SRRM4: variants seen among roughly 807,000 people sequenced by gnomAD.
The protein encoded by SRRM4 is serine/arginine repetitive matrix protein 4.
SRRM4 carries 33 observed loss-of-function variants against 68.9 expected under a neutral mutation model. That is an observed-to-expected ratio of 0.48 (90% CI 0.36 to 0.64). The LOEUF (loss-of-function observed/expected upper bound fraction) is 0.64, where lower values mean the gene tolerates loss of function less well. Among genes scored for constraint, SRRM4 ranks in the 30% least tolerant of loss-of-function variants. SRRM4 has a pLI of 0.00. For synonymous variants in SRRM4, 318 were observed against 318.8 expected (o/e 1.00, Z 0.03); for missense variants, 817 against 827.1 (o/e 0.99, Z 0.15).
At chr12:119,011,005 G>T (rs188004551) in intron 1 of SRRM4, among the ~76,000 whole-genome samples, 1 of 152,136 alleles carries the variant, frequency 6.6e-6, no homozygotes, top group Non-Finnish European at 1.5e-5. Context: ...AGAACACTAT[G>T]TACTCTATAT....
At chr12:119,153,142 T>A (rs561710423) in intron 10 of SRRM4, among the ~76,000 whole-genome samples, 2 of 152,330 alleles carry the variant, frequency 1.3e-5, no homozygotes, top group South Asian at 4.1e-4. Context: ...ATAGCTAACA[T>A]TTCCTATGTC....
intron 1 of SRRM4, among the ~76,000 whole-genome samples, chr12:119,076,249 C>G (rs1456955871): frequency 1.3e-5 from 2 of 152,156 alleles, no homozygotes; most frequent in African/African-American, 4.8e-5. Flanking sequence ...CTGTGCTTAG[C>G]ATTTTGCATG....
chr12:119,045,379 C>T (rs1455047010), intron 1 of SRRM4, among the ~76,000 whole-genome samples: 1 of 151,648 alleles, frequency 6.6e-6, no homozygotes, highest in Non-Finnish European at 1.5e-5. Flanking sequence ...AAACGCCTCC[C>T]TTCCATAAGG....
Position 119,145,408 on chromosome 12 carries a change from C to A in SRRM4, c.799C>A (p.Leu267Ile). ...CACTGGGTCGGGGTCTGCTGCTGAC[C>A]TCTTTACCAAAACAGCCAGCCCGCT... ...VITGSGSAAD[L>I]FTKTASPLTT... Residue 267 changes from leucine (L) to isoleucine (I), a missense_variant, in exon 9 of 13, where the codon CTC becomes ATC. Leu to Ile is a conservative substitution (Grantham distance 5). Coordinates refer to ENST00000267260, the MANE Select transcript of SRRM4 (RefSeq NM_194286.4). The A allele has an allele frequency of 6.2e-7, 1 of 1,605,878 alleles. No individual in the cohort carries two copies. The highest frequency in any genetic ancestry group is 8.5e-7 in the Non-Finnish European group (1 of 1,176,080).
intron 1 of SRRM4, among the ~76,000 whole-genome samples, chr12:119,033,579 G>A (rs566329917): frequency 1.1e-4 from 16 of 151,780 alleles, no homozygotes; most frequent in East Asian, 1.9e-4. Context: ...CAGGAGAATC[G>A]CTTGAACCCA....
intron 9 of SRRM4, among the ~76,000 whole-genome samples, chr12:119,149,178 T>C (rs1954422760): frequency 6.6e-6 from 1 of 152,130 alleles, no homozygotes; most frequent in Non-Finnish European, 1.5e-5. Flanking sequence ...TGAAACCCCA[T>C]TTCTACTAAA....
chr12:119,154,474 T>C lies in SRRM4; in HGVS notation c.1532+91T>C. ...AGCCTCAGGCTCTCCCTAGGCCTCC[T>C]TGGGGCTGGGATTTAGGATTGTGCG... On this transcript the variant is annotated intron_variant, in intron 12 of 12. Coordinates refer to ENST00000267260, the MANE Select transcript of SRRM4 (RefSeq NM_194286.4). This position sits in a 1 kb window ranked among gnomAD's most constrained non-coding sequence, Gnocchi z 4.7. The C allele has an allele frequency of 6.9e-7, 1 of 1,449,024 alleles. No individual in the cohort carries two copies. The highest frequency in any genetic ancestry group is 9.4e-7 in the Non-Finnish European group (1 of 1,059,102). The allele number at this position is 1,449,024 out of a possible 1,614,324, so 89.8% of individuals were successfully genotyped here.
At chr12:119,125,812 TC>T (rs920216687) in intron 7 of SRRM4, among the ~76,000 whole-genome samples, 3 of 151,726 alleles carry the variant, frequency 2.0e-5, no homozygotes, top group African/African-American at 7.2e-5. Flanking sequence ...TTCCAGCTAC[TC>T]TGGAGGCTGA....
At chr12:119,035,401 C>T (rs1953620237) in intron 1 of SRRM4, among the ~76,000 whole-genome samples, 1 of 152,168 alleles carries the variant, frequency 6.6e-6, no homozygotes, top group Admixed American at 6.5e-5. Context: ...TTTCCTTGAA[C>T]TTAGTAGGTG....
At chr12:119,017,353 G>A (rs2136000020) in intron 1 of SRRM4, among the ~76,000 whole-genome samples, 1 of 152,326 alleles carries the variant, frequency 6.6e-6, no homozygotes, top group South Asian at 2.1e-4. Flanking sequence ...GCCTGGAAAG[G>A]CACATCAGCA....
In SRRM4 at chr12:119,158,341, A is replaced by G. The variant is rs1954487206; in HGVS notation, c.*1543A>G. 1 of 152,738 alleles carries G rather than the reference A, an allele frequency of 6.5e-6. No homozygotes were observed. Among genetic ancestry groups the G allele is most frequent in the Non-Finnish European group, 1.5e-5 (1 of 68,098 alleles). The allele number at this position is 152,738 out of a possible 1,614,324, so 9.5% of individuals were successfully genotyped here. On this transcript the variant is annotated 3_prime_UTR_variant, in exon 13 of 13. Coordinates refer to ENST00000267260, the MANE Select transcript of SRRM4 (RefSeq NM_194286.4). The stretch of plus-strand genomic sequence containing the variant: ...TGGGTTATGGGGAAGCAAGGGCCAA[A>G]CATTCTTTATCCCTCCCACCCCAGG...
chr12:119,049,208 T>C (rs993894413), intron 1 of SRRM4, among the ~76,000 whole-genome samples: 1 of 152,178 alleles, frequency 6.6e-6, no homozygotes, highest in Non-Finnish European at 1.5e-5. Flanking sequence ...GGTTGTTTTT[T>C]ACATCTGGTG....
At chr12:119,001,667 T>A (rs1279525236) in intron 1 of SRRM4, 6 of 152,138 alleles carry the variant, frequency 3.9e-5, no homozygotes, top group African/African-American at 1.4e-4. Flanking sequence ...AAAACCCCCA[T>A]GAGAGAAAGT....
intron 1 of SRRM4, among the ~76,000 whole-genome samples, chr12:119,100,590 T>C (rs973651932): frequency 1.3e-4 from 20 of 152,206 alleles, no homozygotes; most frequent in African/African-American, 4.6e-4. Context: ...ACAGGAGACA[T>C]CTCCGTCTTG....
intron 9 of SRRM4, among the ~76,000 whole-genome samples, chr12:119,148,852 T>G (rs1410048144): frequency 3.3e-5 from 5 of 152,138 alleles, no homozygotes; most frequent in Admixed American, 1.3e-4. Flanking sequence ...ATGCCACTTA[T>G]GAGCAGAGAG....
intron 7 of SRRM4, among the ~76,000 whole-genome samples, chr12:119,130,277 T>C (rs1368080691): frequency 6.6e-6 from 1 of 151,662 alleles, no homozygotes; most frequent in Admixed American, 6.6e-5. Context: ...GCTGGATAGA[T>C]GGTTGCTTAG....
intron 8 of SRRM4, among the ~76,000 whole-genome samples, chr12:119,144,073 T>A (rs1402984410): frequency 1.3e-5 from 2 of 152,060 alleles, no homozygotes; most frequent in Non-Finnish European, 2.9e-5. Context: ...AAGTGCTGGC[T>A]TTCCATCGCC....
chr12:119,139,399 G>A (rs953163124), intron 8 of SRRM4, among the ~76,000 whole-genome samples: 6 of 152,174 alleles, frequency 3.9e-5, no homozygotes, highest in African/African-American at 1.4e-4. Context: ...AGTGAATGGA[G>A]AGCTCTGCAG....
chr12:119,042,788 G>C (rs528849790), intron 1 of SRRM4, among the ~76,000 whole-genome samples: 1 of 152,182 alleles, frequency 6.6e-6, no homozygotes, highest in East Asian at 1.9e-4. Flanking sequence ...ACAAGAAAGA[G>C]AGCCAGAGAT....
Sources: allele counts gnomAD v4.1 joint callset (sites outside exome capture counted in the v4.1 genomes callset), GRCh38; gene constraint gnomAD v4.1.1; non-coding constraint Gnocchi (gnomAD v3.1); transcripts MANE v1.5; gene names NCBI Gene and HGNC (gene_info 2026-07-23, HGNC 2026-07-21).